Variants in NMD3 observed in about 807,000 individuals in gnomAD.
NMD3 encodes the protein NMD3 ribosome export adaptor.
In NMD3, 47 loss-of-function variants were observed where a neutral mutation model predicts 73.1. The observed-to-expected ratio is 0.64, with a 90% CI of 0.51 to 0.82. The LOEUF (loss-of-function observed/expected upper bound fraction) is 0.82, where lower values mean the gene tolerates loss of function less well. Ranked by LOEUF, NMD3 falls within the 40% of genes least tolerant of loss-of-function variation. The probability of loss-of-function intolerance (pLI) is 0.00; values close to 1 mark genes in which losing one functional copy is unlikely to be tolerated. For missense variants in NMD3, 554 were observed against 612.5 expected, an observed-to-expected ratio of 0.90 and a Z score of 1.01; for synonymous variants, 210 against 194.5, an observed-to-expected ratio of 1.08 and a Z score of -0.66.
At chr3:161,238,033 A>G in intron 7 of NMD3, 80 bp from the exon 8 acceptor site, 1 of 927,642 alleles carries the variant, frequency 1.1e-6, no homozygotes, top group Non-Finnish European at 1.7e-6. Flanking sequence ...AACAGATGTA[A>G]TTTATAATAT....
At chr3:161,233,601 G>A (rs988028911) in intron 5 of NMD3, 122 bp downstream of exon 5, 1 of 540,480 alleles carries the variant, frequency 1.9e-6, no homozygotes, top group Non-Finnish European at 3.3e-6. Flanking sequence ...AATTTTAGCT[G>A]TTTGTTTTCT....
At chr3:161,237,534 CT>C in intron 7 of NMD3, among the ~76,000 whole-genome samples, 1 of 132,636 alleles carries the variant, frequency 7.5e-6, no homozygotes, top group Non-Finnish European at 1.5e-5. Flanking sequence ...CATAAAATAA[CT>C]TTCTTTTTTT....
rs1736830059 is a variant in NMD3 at position 161,238,028 on chromosome 3, A to G, written c.578-85A>G. 1.4e-5 allele frequency: 12 copies of G among 871,856 alleles called. 1 individual carries two copies. In the South Asian group the frequency reaches 1.9e-4, roughly 14 times the overall value. 54.0% of individuals were successfully genotyped at this position (871,856 alleles called of 1,614,324 possible). A position where few individuals can be genotyped will look rare whatever the true frequency, so the allele number is the denominator to read the frequency against. On this transcript the variant is annotated intron_variant, in intron 7 of 15. Transcript: ENST00000351193. ...AATAATTTGATTTTGTTTAAAACAG[A>G]TGTAATTTATAATATAGTCATGTTA...
In NMD3 at chr3:161,234,825, C is replaced by G; in HGVS notation, c.456C>G (p.Phe152Leu). Residue 152 changes from phenylalanine to leucine, a missense_variant, in exon 6 of 16, where the codon TTC (phenylalanine) becomes TTG (leucine). Phe to Leu is a conservative substitution (Grantham distance 22, BLOSUM62 0). Coordinates refer to ENST00000351193, the MANE Select transcript of NMD3 (RefSeq NM_015938.5). The stretch of plus-strand genomic sequence containing the variant: ...GCCATAGAGTAGAAGCTAAGGATTT[C>G]TGGAAGGCTGTGATTCAAGTGAGGC... ...GDCHRVEAKD[F>L]WKAVIQVRQK... 1 of 1,613,332 alleles carries G rather than the reference C, an allele frequency of 6.2e-7. No individual in the cohort carries two copies. Among genetic ancestry groups the G allele is most frequent in the Non-Finnish European group, 8.5e-7 (1 of 1,179,584 alleles).
intron 4 of NMD3, among the ~76,000 whole-genome samples, chr3:161,229,211 T>G (rs1394078290): frequency 3.9e-5 from 6 of 152,070 alleles, no homozygotes; most frequent in African/African-American, 1.4e-4. Context: ...GTAAGGAGTA[T>G]AGAGGGTGAA....
At chr3:161,230,145 C>A (rs143157582) in intron 4 of NMD3, among the ~76,000 whole-genome samples, 217 of 152,250 alleles carry the variant, frequency 1.4e-3, no homozygotes, top group South Asian at 9.1e-3. Flanking sequence ...ATTGCTCAGG[C>A]TAGAGTGCAG....
In NMD3 at chr3:161,222,073, C is replaced by A. The variant is rs532108830; in HGVS notation, c.44+16C>A. 1.3e-6 allele frequency: 2 copies of A among 1,572,394 alleles called. No individual in the cohort carries two copies. The highest frequency in any genetic ancestry group is 1.7e-6 in the Non-Finnish European group (2 of 1,152,022). ...CTGGACACATGTGAGTGCGACACTT[C>A]TTCCTTCCCCCTTAAATGTGAAAAT... On this transcript the variant is annotated intron_variant, in intron 2 of 15. Transcript: ENST00000351193.
chr3:161,249,784 A>C, intron 14 of NMD3: 1 of 542,048 alleles, frequency 1.8e-6, no homozygotes, highest in Non-Finnish European at 3.3e-6. Context: ...TTGTAGTGTT[A>C]ATGTAAACAA....
intron 10 of NMD3, among the ~76,000 whole-genome samples, chr3:161,241,785 G>C (rs531388164): frequency 1.3e-5 from 2 of 152,216 alleles, no homozygotes; most frequent in East Asian, 3.9e-4. Context: ...CCAAAATTTG[G>C]TGTCTAGCAG....
Position 161,249,479 on chromosome 3 carries a change from G to T in NMD3, c.1229G>T (p.Arg410Leu). The T allele has an allele frequency of 1.2e-6, 2 of 1,609,886 alleles. No individual in the cohort carries two copies. The highest frequency in any genetic ancestry group is 1.7e-4 in the Middle Eastern group (1 of 6,044). Residue 410 changes from arginine (R) to leucine (L), a missense_variant, in exon 14 of 16, where the codon CGG (arginine) becomes CTG (leucine). By Grantham distance (102) the Arg-to-Leu change is moderately radical (BLOSUM62 -2). Coordinates refer to ENST00000351193, the MANE Select transcript of NMD3 (RefSeq NM_015938.5). ...GTATTAATCAAGAAGAGCTATGACC[G>T]GACCAAACGTCAGCGTCGTAGAAAC... is the stretch of plus-strand genomic sequence containing the variant. Reference protein sequence around the residue: ...DVVLIKKSYDRTKRQRRRNWK... With the variant: ...DVVLIKKSYDLTKRQRRRNWK...
chr3:161,248,302 A>T (rs889112751), intron 13 of NMD3, among the ~76,000 whole-genome samples: 14 of 151,796 alleles, frequency 9.2e-5, no homozygotes, highest in Non-Finnish European at 1.5e-4. Flanking sequence ...CCAGCCTGGA[A>T]AACACAGTGA....
chr3:161,252,894 T>G, downstream of NMD3: 2 of 621,630 alleles, frequency 3.2e-6, no homozygotes, highest in Non-Finnish European at 5.7e-6. Context: ...AGGCCAGGAG[T>G]TCAAGACCAG....
chr3:161,239,703 A>G (rs1305330015), intron 9 of NMD3, among the ~76,000 whole-genome samples: 3 of 152,188 alleles, frequency 2.0e-5, no homozygotes, highest in Non-Finnish European at 4.4e-5. Flanking sequence ...TAAAACTGCT[A>G]TTGCTATTTT....
chr3:161,221,867 G>A (rs1736096787), intron 1 of NMD3, 127 bp from the exon 2 acceptor site: 1 of 564,474 alleles, frequency 1.8e-6, no homozygotes, highest in Non-Finnish European at 3.0e-6. Context: ...CTGCTTTTTC[G>A]AAGTTCTGTG....
Position 161,250,637 on chromosome 3 carries a change from C to T in NMD3, c.1382-143C>T, listed in dbSNP as rs2076171581. The T allele has an allele frequency of 1.7e-5, 10 of 590,906 alleles. No individual in the cohort carries two copies. The South Asian group carries it at 2.5e-4, about 15-fold the overall frequency. The allele number at this position is 590,906 out of a possible 1,614,324, so 36.6% of individuals were successfully genotyped here. On this transcript the variant is annotated intron_variant, in intron 15 of 15. Coordinates refer to ENST00000351193, the MANE Select transcript of NMD3 (RefSeq NM_015938.5). Reference sequence around the variant, plus strand: ...TCAGTGAATGTAATTTGAATGACTGCTGTAAGAGACAAGAGCTTCTGATAC... The same window carrying T: ...TCAGTGAATGTAATTTGAATGACTGTTGTAAGAGACAAGAGCTTCTGATAC...
At chr3:161,246,295 A>G (rs1387961437) in intron 11 of NMD3, 41 bp from the exon 12 acceptor site, 2 of 714,024 alleles carry the variant, frequency 2.8e-6, no homozygotes, top group East Asian at 2.8e-5. Flanking sequence ...TTTTAGAGTT[A>G]TGTTTAGATT....
chr3:161,241,259 T>C, intron 10 of NMD3, 96 bp downstream of exon 10: 1 of 785,478 alleles, frequency 1.3e-6, no homozygotes, highest in East Asian at 2.6e-5. Context: ...TTGCTAATAT[T>C]GTTTTGAAAG....
intron 15 of NMD3, 55 bp from the exon 16 acceptor site, chr3:161,250,725 C>G (rs1439376541): frequency 1.7e-5 from 18 of 1,071,546 alleles, no homozygotes; most frequent in Non-Finnish European, 2.2e-5. Context: ...ATATTTAATA[C>G]TTTGTATACA....
chr3:161,239,654 A>G (rs1343451171), intron 9 of NMD3, among the ~76,000 whole-genome samples: 1 of 152,216 alleles, frequency 6.6e-6, no homozygotes, highest in Non-Finnish European at 1.5e-5. Flanking sequence ...CAAAATGATG[A>G]AGCTAGGATT....
Sources: allele counts gnomAD v4.1 joint callset (sites outside exome capture counted in the v4.1 genomes callset), GRCh38; gene constraint gnomAD v4.1.1; transcripts MANE v1.5; gene names NCBI Gene and HGNC (gene_info 2026-07-23, HGNC 2026-07-21).